AK8: variants seen among roughly 807,000 people sequenced by gnomAD.
AK8 encodes the protein adenylate kinase 8.
In AK8, 44 loss-of-function variants were observed where a neutral mutation model predicts 54.6. The observed-to-expected ratio is 0.81, with a 90% CI of 0.63 to 1.04. The LOEUF (loss-of-function observed/expected upper bound fraction) is 1.04. Among genes scored for constraint, AK8 ranks in the 50% least tolerant of loss-of-function variants. The pLI is 0.00. For synonymous variants in AK8, 239 were observed against 245.6 expected (o/e 0.97, Z 0.25); for missense variants, 555 against 613.6 (o/e 0.90, Z 1.01).
Position 132,770,509 on chromosome 9 carries a change from G to T in AK8, c.1121+22125C>A, listed in dbSNP as rs969372029. ...TGGAGGAGCGGGCTGGGAGCGCGGG[G>T]GATGCCCCTCGCCCTGCACGCGCGC... is the stretch of plus-strand genomic sequence containing the variant. On this transcript the variant is annotated intron_variant, in intron 11 of 12. Transcript: ENST00000298545. This position sits in a 1 kb window ranked among gnomAD's most constrained non-coding sequence, Gnocchi z 4.3. Among the ~76,000 whole-genome samples, 33 of 152,340 alleles carry T rather than the reference G, an allele frequency of 2.2e-4. No individual in the cohort carries two copies. Among genetic ancestry groups the T allele is most frequent in the African/African-American group, 7.7e-4 (32 of 41,582 alleles).
At chr9:132,788,223 A>C (rs1839797549) in intron 11 of AK8, among the ~76,000 whole-genome samples, 1 of 152,238 alleles carries the variant, frequency 6.6e-6, no homozygotes, top group African/African-American at 2.4e-5. Flanking sequence ...AACAAAAAAA[A>C]GCTAACGCCT....
At chr9:132,847,112 G>A (rs1042170171) in intron 5 of AK8, among the ~76,000 whole-genome samples, 2 of 152,386 alleles carry the variant, frequency 1.3e-5, no homozygotes, top group African/African-American at 4.8e-5. Context: ...CACTAAGGCA[G>A]CTGGTTGAAG....
chr9:132,806,677 T>C (rs1011895247), intron 10 of AK8, among the ~76,000 whole-genome samples: 1 of 152,244 alleles, frequency 6.6e-6, no homozygotes, highest in Non-Finnish European at 1.5e-5. Flanking sequence ...GGTCGATCTT[T>C]AGTGTGCATT....
rs1274584295 is a variant in AK8, at chr9:132,792,747, C to T, written c.1008G>A (p.Leu336=). 1.3e-6 allele frequency: 2 copies of T among 1,560,084 alleles called. No homozygotes were observed. The highest frequency in any genetic ancestry group is 2.4e-5 in the East Asian group (1 of 41,742). ...AGTCCTGCTGGTCCAGGCGCTGGCT[C>T]AGCACCTTCATGAGGAGGCTGTCAG... is the stretch of plus-strand genomic sequence containing the variant. The part of the protein sequence containing the change: ...AVPDSLLMKV[L]SQRLDQQDCI... Residue 336 remains leucine, a synonymous_variant, in exon 11 of 13, where the codon CTG becomes CTA. Transcript: ENST00000298545.
chr9:132,827,287 G>A (rs935908602), intron 7 of AK8: 10 of 588,386 alleles, frequency 1.7e-5, no homozygotes, highest in East Asian at 5.7e-5. Flanking sequence ...AAGGGCTGCC[G>A]TGAACTTCTG....
chr9:132,803,161 T>C lies in AK8; in HGVS notation c.980-10386A>G, dbSNP rs748705985. 3.3e-5 allele frequency among the ~76,000 whole-genome samples: 5 copies of C among 152,128 alleles called. No homozygotes were observed. The highest frequency in any genetic ancestry group is 7.4e-5 in the Non-Finnish European group (5 of 68,022). On this transcript the variant is annotated intron_variant, in intron 10 of 12. Coordinates refer to ENST00000298545, the MANE Select transcript of AK8 (RefSeq NM_152572.3). This position sits in a 1 kb window ranked among gnomAD's most constrained non-coding sequence, Gnocchi z 4.4. ...AGAACTCACTATCACGAGAACAGCA[T>C]GGAGGTAACCACCCCCAAGATTCAA...
chr9:132,860,792 G>T lies in AK8; in HGVS notation c.333+2873C>A, dbSNP rs1311632098. Among the ~76,000 whole-genome samples, 1 of 152,196 alleles carries T rather than the reference G, an allele frequency of 6.6e-6. No individual in the cohort carries two copies. The highest frequency in any genetic ancestry group is 2.4e-5 in the African/African-American group (1 of 41,434). On this transcript the variant is annotated intron_variant, in intron 4 of 12. Coordinates refer to ENST00000298545, the MANE Select transcript of AK8 (RefSeq NM_152572.3). This position sits in a 1 kb window ranked among gnomAD's most constrained non-coding sequence, Gnocchi z 4.4. ...GGCACAGCAGGTGGCTTCCCGGGTG[G>T]GCTCTTGCAGGTCATGGGTTGGTCT...
intron 2 of AK8, among the ~76,000 whole-genome samples, chr9:132,872,639 T>C (rs1192547554): frequency 6.4e-5 from 4 of 62,486 alleles, no homozygotes; most frequent in Admixed American, 5.8e-4. Flanking sequence ...TTCAAGCACA[T>C]TTTTTTTTTT....
At chr9:132,818,719 G>A (rs1841442778) in intron 9 of AK8, among the ~76,000 whole-genome samples, 1 of 152,070 alleles carries the variant, frequency 6.6e-6, no homozygotes, top group African/African-American at 2.4e-5. Flanking sequence ...CAGGCTTGAG[G>A]GCTCATGCCT....
intron 11 of AK8, among the ~76,000 whole-genome samples, chr9:132,784,772 A>T (rs1461876166): frequency 6.6e-6 from 1 of 152,214 alleles, no homozygotes; most frequent in Non-Finnish European, 1.5e-5. Context: ...TATGTACCCT[A>T]GCTGAAAATG....
Position 132,815,380 on chromosome 9 carries a change from T to C in AK8, c.890-653A>G, listed in dbSNP as rs1373384472. 2.0e-5 allele frequency among the ~76,000 whole-genome samples: 3 copies of C among 151,818 alleles called. No individual in the cohort carries two copies. The East Asian group carries it at 5.8e-4, about 29-fold the overall frequency. ...ACCAGCCTGGCCAACATGGTGAAAA[T>C]CCGTTTCTACTAAAAATACAAAAAT... On this transcript the variant is annotated intron_variant, in intron 9 of 12. Coordinates refer to ENST00000298545, the MANE Select transcript of AK8 (RefSeq NM_152572.3).
chr9:132,820,035 G>A (rs1841511266), intron 9 of AK8, among the ~76,000 whole-genome samples: 2 of 151,138 alleles, frequency 1.3e-5, no homozygotes, highest in Non-Finnish European at 2.9e-5. Context: ...TACACCTGTA[G>A]TCCCAGCTAC....
chr9:132,744,203 CCA>C (rs1837531282), intron 11 of AK8, among the ~76,000 whole-genome samples: 1 of 152,152 alleles, frequency 6.6e-6, no homozygotes, highest in South Asian at 2.1e-4. Flanking sequence ...AAGATAAATT[CCA>C]CAGATTCCAA....
At position 132,823,271 on chromosome 9, in the gene AK8, C is replaced by T. The variant is rs777668036; in HGVS notation, c.823G>A (p.Gly275Arg). 47 of 1,612,018 alleles carry T rather than the reference C, an allele frequency of 2.9e-5. No homozygotes were observed. The highest frequency in any genetic ancestry group is 4.0e-5 in the African/African-American group (3 of 74,814). ...AGACTTTTCCCACTGCCCACAGGCC[C>T]GAGCAGCAGCACCCTCGGGGTGAAC... ...APFTPRVLLL[G>R]PVGSGKSLQA... Residue 275 changes from glycine (G) to arginine (R), a missense_variant, in exon 9 of 13, where the codon GGG (glycine) becomes AGG (arginine). Physicochemically the swap from Gly to Arg is moderately radical, Grantham distance 125. Transcript: ENST00000298545.
intron 9 of AK8, among the ~76,000 whole-genome samples, chr9:132,819,675 A>C (rs1229420575): frequency 6.6e-6 from 1 of 152,192 alleles, no homozygotes; most frequent in Non-Finnish European, 1.5e-5. Flanking sequence ...ATCTTATCCT[A>C]ATCGATATTA....
intron 10 of AK8, among the ~76,000 whole-genome samples, chr9:132,797,391 G>A (rs1840224277): frequency 6.6e-6 from 1 of 152,170 alleles, no homozygotes; most frequent in Admixed American, 6.5e-5. Context: ...ATGGGCCAGA[G>A]AACTTAAGGA....
chr9:132,874,650 C>T (rs866208041), intron 2 of AK8, among the ~76,000 whole-genome samples: 2 of 152,220 alleles, frequency 1.3e-5, no homozygotes, highest in Non-Finnish European at 2.9e-5. Flanking sequence ...GTTTGGGGAG[C>T]TCGGAAACTC....
chr9:132,761,505 G>A (rs1745378881), intron 11 of AK8, among the ~76,000 whole-genome samples: 1 of 151,968 alleles, frequency 6.6e-6, no homozygotes, highest in Non-Finnish European at 1.5e-5. Context: ...TCACGTATCT[G>A]CCCACCTCAG....
chr9:132,878,931 C>T (rs1258904769), upstream of AK8: 4 of 250,466 alleles, frequency 1.6e-5, no homozygotes, highest in Non-Finnish European at 2.5e-5. This position sits in a 1 kb window ranked among gnomAD's most constrained non-coding sequence, Gnocchi z 4.7. Context: ...GGCCTCCCCA[C>T]CCTCCGGGGC....
Sources: allele counts gnomAD v4.1 joint callset (sites outside exome capture counted in the v4.1 genomes callset), GRCh38; gene constraint gnomAD v4.1.1; non-coding constraint Gnocchi (gnomAD v3.1); transcripts MANE v1.5; gene names NCBI Gene and HGNC (gene_info 2026-07-23, HGNC 2026-07-21).